LRPPRC: variants seen among roughly 807,000 people sequenced by gnomAD.
The protein encoded by LRPPRC is leucine-rich PPR motif-containing protein, mitochondrial.
LRPPRC carries 120 observed loss-of-function variants against 180.3 expected under a neutral mutation model. The observed-to-expected ratio is 0.67, with a 90% CI of 0.57 to 0.77. The LOEUF is 0.77. LRPPRC is among the 30% of genes least tolerant of loss of function. The pLI is 0.00. For missense variants in LRPPRC, 2,012 were observed against 1,657.2 expected (o/e 1.21, Z -3.72); for synonymous variants, 723 against 600.0 (o/e 1.21, Z -3.00).
At position 43,977,992 on chromosome 2, in the gene LRPPRC, T is replaced by C. The variant is rs922137279; in HGVS notation, c.470-716A>G. 3.6e-4 allele frequency among the ~76,000 whole-genome samples: 55 copies of C among 152,072 alleles called. 1 individual carries two copies. Among genetic ancestry groups the C allele is most frequent in the Non-Finnish European group, 4.4e-5 (3 of 67,966 alleles). Reference sequence around the variant, plus strand: ...TATGGTTAGTATCTGGGGGTGAGAGTATGTGATTTTAGGCAGCAGAGAGCT... The same window carrying C: ...TATGGTTAGTATCTGGGGGTGAGAGCATGTGATTTTAGGCAGCAGAGAGCT... On this transcript the variant is annotated intron_variant, in intron 3 of 37. Coordinates refer to ENST00000260665, the MANE Select transcript of LRPPRC (RefSeq NM_133259.4).
Position 43,948,168 on chromosome 2 carries a change from C to G in LRPPRC, c.1874G>C (p.Gly625Ala). The stretch of plus-strand genomic sequence containing the variant: ...GTAGCTTTCCAGGAGATTACGAATG[C>G]CTCTGTAGATATTTTCAGGAATTTT... Reference protein sequence around the residue: ...NVKIPENIYRGIRNLLESYHV... With the variant: ...NVKIPENIYRAIRNLLESYHV... Residue 625 changes from glycine to alanine, a missense_variant, in exon 18 of 38, where the codon GGC becomes GCC. By Grantham distance (60) the Gly-to-Ala change is moderately conservative (BLOSUM62 0). Transcript: ENST00000260665. 6.2e-7 allele frequency: 1 copy of G among 1,607,374 alleles called. No individual in the cohort carries two copies. Among genetic ancestry groups the G allele is most frequent in the East Asian group, 2.2e-5 (1 of 44,832 alleles).
At chr2:43,984,036 A>T (rs924832820) in intron 1 of LRPPRC, among the ~76,000 whole-genome samples, 2 of 152,130 alleles carry the variant, frequency 1.3e-5, no homozygotes, top group Admixed American at 6.6e-5. Flanking sequence ...GAGTTTGTCA[A>T]ACGAGCTGAA....
intron 25 of LRPPRC, among the ~76,000 whole-genome samples, chr2:43,932,026 G>T (rs1280144490): frequency 6.9e-6 from 1 of 143,974 alleles, no homozygotes; most frequent in East Asian, 2.3e-4. Context: ...TTTCAGACTA[G>T]GTCTTTCTGA....
rs1034558087 is a variant in LRPPRC, at chr2:43,928,186, T to C, written c.2737-2225A>G. Among the ~76,000 whole-genome samples, 7 of 152,342 alleles carry C rather than the reference T, an allele frequency of 4.6e-5. 1 individual carries two copies. The South Asian group carries it at 1.4e-3, about 32-fold the overall frequency. ...GCTTCAAACCACAACTTTCTGCAGT[T>C]GCAATTCACTACTAGGTTTACTTGT... On this transcript the variant is annotated intron_variant, in intron 25 of 37. Transcript: ENST00000260665.
intron 5 of LRPPRC, among the ~76,000 whole-genome samples, chr2:43,976,724 AAAAGCAAAG>A (rs1559046233): frequency 6.7e-6 from 1 of 149,340 alleles, no homozygotes; most frequent in Non-Finnish European, 1.5e-5. Flanking sequence ...AAAAAAAAAA[AAAAGCAAAG>A]TCAGCTTTAT....
chr2:43,953,590 A>G (rs1672988924), intron 14 of LRPPRC, among the ~76,000 whole-genome samples: 1 of 152,244 alleles, frequency 6.6e-6, no homozygotes, highest in South Asian at 2.1e-4. Context: ...CCAGGAATCA[A>G]TTAAAAATTT....
intron 14 of LRPPRC, among the ~76,000 whole-genome samples, chr2:43,951,466 T>C (rs1437515352): frequency 6.6e-6 from 1 of 152,218 alleles, no homozygotes; most frequent in East Asian, 1.9e-4. Flanking sequence ...GTTCCTTTGC[T>C]GTATCCCGGA....
At chr2:43,937,935 G>C (rs904691941) in intron 23 of LRPPRC, among the ~76,000 whole-genome samples, 3 of 152,156 alleles carry the variant, frequency 2.0e-5, no homozygotes, top group South Asian at 4.1e-4. Flanking sequence ...AAAGTGATCT[G>C]TGAATTTCTT....
chr2:43,948,570 T>A, intron 16 of LRPPRC, 52 bp from the exon 17 acceptor site: 1 of 888,114 alleles, frequency 1.1e-6, no homozygotes. Flanking sequence ...GAGACTGTCA[T>A]GTTATCAAGA....
chr2:43,950,497 A>G (rs963522307), intron 15 of LRPPRC, 76 bp downstream of exon 15: 2 of 1,308,422 alleles, frequency 1.5e-6, no homozygotes, highest in African/African-American at 3.0e-5. Context: ...TTCATGATAA[A>G]AATTATTACA....
chr2:43,984,265 G>A (rs550211615), intron 1 of LRPPRC, among the ~76,000 whole-genome samples: 1 of 152,170 alleles, frequency 6.6e-6, no homozygotes, highest in African/African-American at 2.4e-5. Context: ...GATTAATACA[G>A]AAATTTCAAA....
chr2:43,932,988 G>A (rs1251468509), intron 25 of LRPPRC, among the ~76,000 whole-genome samples: 5 of 152,170 alleles, frequency 3.3e-5, no homozygotes, highest in African/African-American at 4.8e-5. Flanking sequence ...CTACAGAGGA[G>A]CAGAACTCAA....
chr2:43,951,981 G>A (rs754600278), intron 14 of LRPPRC, among the ~76,000 whole-genome samples: 1 of 152,154 alleles, frequency 6.6e-6, no homozygotes, highest in Non-Finnish European at 1.5e-5. Context: ...ATCACCTGAG[G>A]TCGGGAGTTC....
chr2:43,952,558 TC>T (rs1454993299), intron 14 of LRPPRC, among the ~76,000 whole-genome samples: 1 of 152,228 alleles, frequency 6.6e-6, no homozygotes, highest in Admixed American at 6.5e-5. Flanking sequence ...TTTTGGAATT[TC>T]TGTTGTTGTT....
chr2:43,920,836 G>C (rs1671674363), intron 27 of LRPPRC, among the ~76,000 whole-genome samples: 1 of 152,158 alleles, frequency 6.6e-6, no homozygotes, highest in African/African-American at 2.4e-5. Context: ...AAAGGGATTA[G>C]TTATTCTAAA....
intron 36 of LRPPRC, among the ~76,000 whole-genome samples, chr2:43,891,915 GA>G (rs1158781503): frequency 1.3e-5 from 2 of 152,240 alleles, no homozygotes; most frequent in African/African-American, 4.8e-5. Flanking sequence ...CTACTTCACT[GA>G]ACACACAAAT....
At chr2:43,908,972 C>T (rs1671159362) in intron 30 of LRPPRC, among the ~76,000 whole-genome samples, 3 of 152,196 alleles carry the variant, frequency 2.0e-5, no homozygotes, top group Non-Finnish European at 4.4e-5. Context: ...ATTTGACCAC[C>T]ATATTATAAT....
intron 11 of LRPPRC, among the ~76,000 whole-genome samples, chr2:43,971,098 C>CAA (rs140508221): frequency 4.4e-3 from 556 of 126,228 alleles, no homozygotes; most frequent in Non-Finnish European, 5.2e-3. Flanking sequence ...GAAACTGTGT[C>CAA]AAAAAAAAAA....
chr2:43,991,533 G>C (rs1048704194), intron 1 of LRPPRC, among the ~76,000 whole-genome samples: 1 of 152,120 alleles, frequency 6.6e-6, no homozygotes. Context: ...AAGTATACAA[G>C]TATTATGCTA....
Sources: gnomAD v4.1 joint callset for allele counts (sites outside exome capture counted in the v4.1 genomes callset) on GRCh38, gnomAD v4.1.1 for gene constraint, MANE v1.5 for transcripts, NCBI Gene and HGNC (gene_info 2026-07-23, HGNC 2026-07-21) for gene names.